ZSCAN32: variants seen among roughly 807,000 people sequenced by gnomAD.
ZSCAN32 encodes the protein zinc finger and SCAN domain-containing protein 32.
Under a neutral mutation model 47.4 loss-of-function variants are expected in ZSCAN32, and 52 were observed. The ratio of observed to expected loss-of-function variants is 1.10; its 90% CI spans 0.88 to 1.38. The LOEUF (loss-of-function observed/expected upper bound fraction) is 1.38. Ranked by LOEUF, ZSCAN32 falls within the 40% of genes most tolerant of loss-of-function variation. The pLI, the probability that ZSCAN32 is intolerant of heterozygous loss-of-function variation, is 0.00. For missense variants in ZSCAN32, 959 were observed against 846.0 expected, an observed-to-expected ratio of 1.13 and a Z score of -1.66; for synonymous variants, 346 against 305.7, an observed-to-expected ratio of 1.13 and a Z score of -1.38.
intron 1 of ZSCAN32, among the ~76,000 whole-genome samples, chr16:3,400,122 A>AT (rs1158133962): frequency 3.9e-5 from 6 of 152,180 alleles, no homozygotes; most frequent in Non-Finnish European, 7.4e-5. Flanking sequence ...AATTAAAGAA[A>AT]TTTTTTTATA....
chr16:3,400,837 G>A (rs1321998119), intron 1 of ZSCAN32, 108 bp downstream of exon 1: 2 of 152,254 alleles, frequency 1.3e-5, no homozygotes, highest in African/African-American at 2.4e-5. Flanking sequence ...ACGCCCATCG[G>A]GGCCGGACCC....
At position 3,383,674 on chromosome 16, in the gene ZSCAN32, T is replaced by C; in HGVS notation, c.1272A>G (p.Leu424=). ...EFKNEIKKEN[L]KWDDSEEVEI... is the part of the protein sequence containing the mutation. ...CTACTTCCTCTGAATCATCCCATTT[T>C]AGATTTTCTTTTTTAATCTCGTTCT... Residue 424 remains leucine (L), a synonymous_variant, in exon 7 of 7, where the codon CTA becomes CTG. Transcript: ENST00000396852. The C allele has an allele frequency of 1.3e-6, 2 of 1,593,688 alleles. No individual in the cohort carries two copies. The highest frequency in any genetic ancestry group is 2.7e-5 in the African/African-American group (2 of 73,916).
At chr16:3,391,476 G>A (rs1395315878) in intron 3 of ZSCAN32, among the ~76,000 whole-genome samples, 2 of 151,836 alleles carry the variant, frequency 1.3e-5, no homozygotes, top group Admixed American at 6.6e-5. Flanking sequence ...TCAGGAGTTC[G>A]AGACCAGCCT....
At chr16:3,396,020 A>C (rs927493470) in intron 2 of ZSCAN32, among the ~76,000 whole-genome samples, 1 of 152,180 alleles carries the variant, frequency 6.6e-6, no homozygotes, top group African/African-American at 2.4e-5. Context: ...TAAAATAAAC[A>C]TAAGTGTGAT....
In ZSCAN32 at chr16:3,383,151, G is replaced by A. The variant is rs757912239; in HGVS notation, c.1795C>T (p.His599Tyr). 1.1e-5 allele frequency: 17 copies of A among 1,614,162 alleles called. No individual in the cohort carries two copies. Among genetic ancestry groups the A allele is most frequent in the Non-Finnish European group, 1.3e-5 (15 of 1,180,028 alleles). The change falls in exon 7 of 7, where the codon CAT becomes TAT. Residue 599 changes from histidine to tyrosine, a missense_variant. Transcript: ENST00000396852. ...CACTGGTAAGGCTTTTCCCCGGTAT[G>A]GGTCCTCTGGTGGACAATGAGGCTG... ...SSSLIVHQRT[H>Y]TGEKPYQCIV... is the part of the protein sequence containing the mutation.
rs745330302 is a variant in ZSCAN32, at chr16:3,383,037, C to A, written c.1909G>T (p.Val637Leu). 1.9e-6 allele frequency: 3 copies of A among 1,613,980 alleles called. No individual in the cohort carries two copies. The highest frequency in any genetic ancestry group is 4.5e-5 in the East Asian group (2 of 44,894). Reference sequence around the variant, plus strand: ...CTATTGTTGAAGATTTTCCCACACACTGCACACTTGTATGGGCTCTCCCCA... The same window carrying A: ...CTATTGTTGAAGATTTTCCCACACAATGCACACTTGTATGGGCTCTCCCCA... ...HTGESPYKCA[V>L]CGKIFNNSSH... Residue 637 changes from valine (V) to leucine (L), a missense_variant, in exon 7 of 7, where the codon GTG becomes TTG. By Grantham distance (32) the Val-to-Leu change is conservative. Transcript: ENST00000396852.
chr16:3,392,821 G>A lies in ZSCAN32; in HGVS notation c.532+828C>T, dbSNP rs141009399. Among the ~76,000 whole-genome samples the A allele has an allele frequency of 9.0e-3, 1,365 of 151,600 alleles. 26 individuals carry two copies. Among genetic ancestry groups the A allele is most frequent in the African/African-American group, 0.032 (1,307 of 41,346 alleles). On this transcript the variant is annotated intron_variant, in intron 3 of 6. Coordinates refer to ENST00000396852, the MANE Select transcript of ZSCAN32 (RefSeq NM_001284527.2). Reference sequence around the variant, plus strand: ...AGCCTGGGCGACAGAGCAAGACTCCGTCTCAAAAAACAAAGAAACAAAAAA... The same window carrying A: ...AGCCTGGGCGACAGAGCAAGACTCCATCTCAAAAAACAAAGAAACAAAAAA...
intron 5 of ZSCAN32, among the ~76,000 whole-genome samples, chr16:3,385,796 A>G (rs1178780482): frequency 1.3e-5 from 2 of 152,260 alleles, no homozygotes; most frequent in African/African-American, 4.8e-5. Flanking sequence ...AATTAATTCA[A>G]GAAGGATTAA....
At chr16:3,391,536 G>C (rs146215159) in intron 3 of ZSCAN32, among the ~76,000 whole-genome samples, 9 of 151,830 alleles carry the variant, frequency 5.9e-5, no homozygotes, top group African/African-American at 1.9e-4. Context: ...AAAATTAGCC[G>C]GGCGTGGTGG....
At chr16:3,400,525 C>T (rs1567334391) in intron 1 of ZSCAN32, among the ~76,000 whole-genome samples, 1 of 152,202 alleles carries the variant, frequency 6.6e-6, no homozygotes, top group Admixed American at 6.5e-5. Flanking sequence ...AATTTTACTT[C>T]ACTCTAGCGA....
chr16:3,389,021 A>G (rs756714856), intron 5 of ZSCAN32, among the ~76,000 whole-genome samples: 8 of 152,240 alleles, frequency 5.3e-5, no homozygotes, highest in Non-Finnish European at 8.8e-5. Context: ...TAATAAGTTA[A>G]AAATCACAAG....
chr16:3,391,251 C>T (rs963148866), intron 3 of ZSCAN32, among the ~76,000 whole-genome samples: 4 of 152,182 alleles, frequency 2.6e-5, no homozygotes, highest in Non-Finnish European at 4.4e-5. Flanking sequence ...TCTTTACTTA[C>T]AGCCCCCTGC....
At position 3,397,596 on chromosome 16, in the gene ZSCAN32, A is replaced by T; in HGVS notation, c.-39T>A. On this transcript the variant is annotated 5_prime_UTR_variant, in exon 2 of 7. Coordinates refer to ENST00000396852, the MANE Select transcript of ZSCAN32 (RefSeq NM_001284527.2). ...CTGGCTTACTCTGGTTGCCACTTCTACCCTGGAGATCAGAGTCCATCTTTC... is the reference window on the plus strand; with the variant it reads ...CTGGCTTACTCTGGTTGCCACTTCTTCCCTGGAGATCAGAGTCCATCTTTC... 5 of 1,477,472 alleles carry T rather than the reference A, an allele frequency of 3.4e-6. No homozygotes were observed. Among genetic ancestry groups the T allele is most frequent in the Non-Finnish European group, 4.5e-6 (5 of 1,110,338 alleles). 91.5% of individuals were successfully genotyped at this position (1,477,472 alleles called of 1,614,324 possible). A position where few individuals can be genotyped will look rare whatever the true frequency, so the allele number is the denominator to read the frequency against.
rs2150908176 is a variant in ZSCAN32, at chr16:3,397,335, C to T, written c.223G>A (p.Glu75Lys). ...WLRPKTHSKEEILELLVLEQF... is the reference protein window; with the variant it reads ...WLRPKTHSKEKILELLVLEQF... ...TCCAAAACCAGCAGCTCCAGGATTTCCTCTTTTGAGTGGGTCTTCGGCCTC... is the reference window on the plus strand; with the variant it reads ...TCCAAAACCAGCAGCTCCAGGATTTTCTCTTTTGAGTGGGTCTTCGGCCTC... Residue 75 changes from glutamate to lysine, a missense_variant, in exon 2 of 7, where the codon GAA becomes AAA. Glu to Lys is a moderately conservative substitution (Grantham distance 56). Transcript: ENST00000396852. 3.8e-6 allele frequency: 6 copies of T among 1,564,744 alleles called. No homozygotes were observed. Among genetic ancestry groups the T allele is most frequent in the Non-Finnish European group, 3.5e-6 (4 of 1,154,834 alleles).
chr16:3,384,596 A>G lies in ZSCAN32; in HGVS notation c.1097T>C (p.Leu366Pro), dbSNP rs2031708407. ...CGTGGGTTCCCCATTCTGGTGATTC[A>G]GCTCTCCAGCCTCAATATCACTTCC... ...QEGSDIEAGE[L>P]NHQNGEPTEV... The change falls in exon 6 of 7, where the codon CTG (leucine) becomes CCG (proline). Residue 366 changes from leucine to proline, a missense_variant. Physicochemically the swap from Leu to Pro is moderately conservative, Grantham distance 98. Transcript: ENST00000396852. 1 of 1,614,132 alleles carries G rather than the reference A, an allele frequency of 6.2e-7. No homozygotes were observed. Among genetic ancestry groups the G allele is most frequent in the Middle Eastern group, 1.6e-4 (1 of 6,062 alleles).
At position 3,384,926 on chromosome 16, in the gene ZSCAN32, C is replaced by G. The variant is rs1170491687; in HGVS notation, c.767G>C (p.Trp256Ser). ...SHVSLATGVP[W>S]GYEETKTLLA... Reference sequence around the variant, plus strand: ...GAGCGTCTTGGTCTCTTCATAGCCCCAGGGCACACCTGTTGCTGGGGGACA... The same window carrying G: ...GAGCGTCTTGGTCTCTTCATAGCCCGAGGGCACACCTGTTGCTGGGGGACA... The change falls in exon 6 of 7, where the codon TGG (tryptophan) becomes TCG (serine). Residue 256 changes from tryptophan (W) to serine (S), a missense_variant. Transcript: ENST00000396852. 7 of 1,611,974 alleles carry G rather than the reference C, an allele frequency of 4.3e-6. No individual in the cohort carries two copies. Among genetic ancestry groups the G allele is most frequent in the Non-Finnish European group, 5.9e-6 (7 of 1,179,310 alleles).
At position 3,397,554 on chromosome 16, in the gene ZSCAN32, T is replaced by C; in HGVS notation, c.4A>G (p.Met2Val). The part of the protein sequence containing the change: M[M>V]AAVKSTEAHP... ...GCCTCGGTACTCTTCACTGCAGCCA[T>C]CATTTGCTTCAACGAACTGGCTTAC... Residue 2 changes from methionine to valine, a missense_variant, in exon 2 of 7, where the codon ATG becomes GTG. Coordinates refer to ENST00000396852, the MANE Select transcript of ZSCAN32 (RefSeq NM_001284527.2). 1.3e-6 allele frequency: 2 copies of C among 1,530,014 alleles called. No individual in the cohort carries two copies. The highest frequency in any genetic ancestry group is 1.8e-6 in the Non-Finnish European group (2 of 1,134,216). 94.8% of individuals were successfully genotyped at this position (1,530,014 alleles called of 1,614,324 possible).
intron 6 of ZSCAN32, chr16:3,384,231 G>A (rs2031646740): frequency 3.2e-6 from 2 of 616,888 alleles, no homozygotes; most frequent in Non-Finnish European, 5.6e-6. Context: ...AACTCCATGG[G>A]AAAAGATGAC....
Position 3,390,115 on chromosome 16 carries a change from TGTC to T in ZSCAN32, c.643_645del (p.Asp215del). 1.9e-6 allele frequency: 3 copies of T among 1,612,716 alleles called. No individual in the cohort carries two copies. Among genetic ancestry groups the T allele is most frequent in the Non-Finnish European group, 2.5e-6 (3 of 1,179,336 alleles). On this transcript the variant is annotated inframe_deletion, in exon 5 of 7. Transcript: ENST00000396852. ...TGCTGACAGAGGGATACAGCTCTGT[TGTC>T]ACGCATGGCTGGTCCCTGTAACAAC...
Sources: gnomAD v4.1 joint callset for allele counts (sites outside exome capture counted in the v4.1 genomes callset) on GRCh38, gnomAD v4.1.1 for gene constraint, MANE v1.5 for transcripts, NCBI Gene and HGNC (gene_info 2026-07-23, HGNC 2026-07-21) for gene names.